BTC: variants seen among roughly 807,000 people sequenced by gnomAD.
BTC encodes the protein betacellulin, also known as probetacellulin.
A neutral mutation model predicts 18.1 loss-of-function variants in BTC; 13 were observed. That is an observed-to-expected ratio of 0.72 (90% CI 0.47 to 1.14). The LOEUF (loss-of-function observed/expected upper bound fraction) is 1.14. BTC is among the 50% of genes most tolerant of loss of function. The pLI, the probability that BTC is intolerant of heterozygous loss-of-function variation, is 0.00. For synonymous variants in BTC, 83 were observed against 79.4 expected, an observed-to-expected ratio of 1.05 and a Z score of -0.24; for missense variants, 247 against 224.2, an observed-to-expected ratio of 1.10 and a Z score of -0.65.
At chr4:74,750,871 G>T in intron 3 of BTC, 152 bp from the exon 4 acceptor site, 1 of 1,061,852 alleles carries the variant, frequency 9.4e-7, no homozygotes. Flanking sequence ...TTGTTGACCA[G>T]TAATTTCAAT....
At chr4:74,748,017 A>G (rs782462544) in intron 5 of BTC, 23 bp downstream of exon 5, 25 of 1,402,504 alleles carry the variant, frequency 1.8e-5, no homozygotes, top group Non-Finnish European at 4.0e-6. Context: ...ATAGTTTTCT[A>G]TCAGCAAGTT....
rs1724589720 is a variant in BTC, at chr4:74,756,062, T to G, written c.164-86A>C. ...ATCATATTCTTATCTTGCTGCCAGT[T>G]TCTCTGTAGAATATGTTTGAATCTC... On this transcript the variant is annotated intron_variant, in intron 2 of 5. Transcript: ENST00000395743. 11 of 1,202,400 alleles carry G rather than the reference T, an allele frequency of 9.1e-6. No homozygotes were observed. In the East Asian group the frequency reaches 2.6e-4, roughly 28 times the overall value. 74.5% of individuals were successfully genotyped at this position (1,202,400 alleles called of 1,614,324 possible). A position where few individuals can be genotyped will look rare whatever the true frequency, so the allele number is the denominator to read the frequency against.
chr4:74,780,970 A>G (rs1222170795), intron 1 of BTC, among the ~76,000 whole-genome samples: 1 of 150,416 alleles, frequency 6.6e-6, no homozygotes, highest in Non-Finnish European at 1.5e-5. Context: ...AGAGTTTCGT[A>G]TTTTGAAATT....
intron 4 of BTC, 111 bp from the exon 5 acceptor site, chr4:74,748,260 G>C (rs1168719848): frequency 1.5e-6 from 1 of 648,356 alleles, no homozygotes; most frequent in East Asian, 3.1e-5. Flanking sequence ...AAATATTTAG[G>C]GTTCTAGGCC....
chr4:74,753,012 C>T (rs1244749761), intron 3 of BTC, among the ~76,000 whole-genome samples: 8 of 152,126 alleles, frequency 5.3e-5, no homozygotes, highest in African/African-American at 1.9e-4. Context: ...TATAGTGGTT[C>T]TCATGTTATT....
intron 3 of BTC, among the ~76,000 whole-genome samples, chr4:74,754,938 A>AACACACACACACAC (rs33972204): frequency 2.1e-4 from 31 of 150,022 alleles, no homozygotes; most frequent in African/African-American, 4.9e-4. Flanking sequence ...TATCCCTCTC[A>AACACACACACACAC]ACACACACAC....
chr4:74,782,330 C>T (rs1295816920), intron 1 of BTC, among the ~76,000 whole-genome samples: 1 of 152,156 alleles, frequency 6.6e-6, no homozygotes, highest in East Asian at 1.9e-4. Context: ...CATTCAGCTC[C>T]CGCTTATAAG....
chr4:74,775,965 A>T (rs536217883), intron 1 of BTC, among the ~76,000 whole-genome samples: 148 of 152,250 alleles, frequency 9.7e-4, no homozygotes, highest in African/African-American at 3.5e-3. Context: ...GTGCCATCCC[A>T]CAGGGTCTGG....
chr4:74,782,645 T>C (rs957545611), intron 1 of BTC, among the ~76,000 whole-genome samples: 2 of 152,200 alleles, frequency 1.3e-5, no homozygotes, highest in African/African-American at 2.4e-5. Flanking sequence ...TAAATGGTAG[T>C]TCTGCCTCTA....
chr4:74,794,184 C>T, intron 1 of BTC, 78 bp downstream of exon 1: 1 of 1,524,700 alleles, frequency 6.6e-7, no homozygotes, highest in Middle Eastern at 2.1e-4. Flanking sequence ...GATGCCAGCT[C>T]GGTTCAGGGT....
At chr4:74,771,361 T>G (rs915381841) in intron 1 of BTC, among the ~76,000 whole-genome samples, 1 of 152,224 alleles carries the variant, frequency 6.6e-6, no homozygotes, top group East Asian at 1.9e-4. Context: ...TGTCCACCAG[T>G]TGTATTGAAA....
chr4:74,769,224 T>C (rs1041477819), intron 2 of BTC, among the ~76,000 whole-genome samples: 2 of 152,092 alleles, frequency 1.3e-5, no homozygotes, highest in Non-Finnish European at 2.9e-5. Context: ...TTGGTCTGTG[T>C]TTTGTTTTCT....
At chr4:74,782,131 G>A (rs554674296) in intron 1 of BTC, among the ~76,000 whole-genome samples, 1 of 151,868 alleles carries the variant, frequency 6.6e-6, no homozygotes, top group African/African-American at 2.4e-5. Context: ...TTTAAGTTCA[G>A]GGGTACATGT....
At position 74,745,588 on chromosome 4, in the gene BTC, AGTAATAGAT is replaced by A. The variant is rs1487221072; in HGVS notation, c.*1080_*1088del. 2 of 152,196 alleles carry A rather than the reference AGTAATAGAT, an allele frequency of 1.3e-5. No homozygotes were observed. Among genetic ancestry groups the A allele is most frequent in the Non-Finnish European group, 2.9e-5 (2 of 68,030 alleles). The allele number at this position is 152,196 out of a possible 1,614,324, so 9.4% of individuals were successfully genotyped here. A position where few individuals can be genotyped will look rare whatever the true frequency, so the allele number is the denominator to read the frequency against. ...AGGAGCACTTGGCAAGATGGTCCCA[AGTAATAGAT>A]GTTATGGTCATGAATTTACTGCATC... On this transcript the variant is annotated 3_prime_UTR_variant, in exon 6 of 6. Transcript: ENST00000395743.
At chr4:74,789,348 CT>C (rs1725562361) in intron 1 of BTC, among the ~76,000 whole-genome samples, 1 of 152,174 alleles carries the variant, frequency 6.6e-6, no homozygotes, top group Non-Finnish European at 1.5e-5. Context: ...AACACTGATT[CT>C]AGTTCTTTTT....
chr4:74,786,522 GT>G (rs1391458514), intron 1 of BTC, among the ~76,000 whole-genome samples: 1 of 152,146 alleles, frequency 6.6e-6, no homozygotes, highest in African/African-American at 2.4e-5. Flanking sequence ...GCCGCCAAAA[GT>G]TTGTTTTTCT....
chr4:74,781,074 C>T lies in BTC; in HGVS notation c.65-10918G>A, dbSNP rs143173886. Among the ~76,000 whole-genome samples, 5 of 152,132 alleles carry T rather than the reference C, an allele frequency of 3.3e-5. No individual in the cohort carries two copies. In the East Asian group the frequency reaches 7.7e-4, roughly 24 times the overall value. ...AAACTTGATGGTCATGGCCCACTCC[C>T]TACCCAGCTTAGGAATCACCTTTAC... is the stretch of plus-strand genomic sequence containing the variant. On this transcript the variant is annotated intron_variant, in intron 1 of 5. Transcript: ENST00000395743.
chr4:74,761,673 A>T (rs1384292610), intron 2 of BTC, among the ~76,000 whole-genome samples: 1 of 152,182 alleles, frequency 6.6e-6, no homozygotes, highest in African/African-American at 2.4e-5. Flanking sequence ...CTTACACTAC[A>T]TCCAATGCAT....
In BTC at chr4:74,794,476, A is replaced by G; in HGVS notation, c.-151T>C. ...TACTTCCCAGGCTGGCACCCTGGCT[A>G]CAAGGCAGGGAAACACCCAGGGCGG... On this transcript the variant is annotated 5_prime_UTR_variant, in exon 1 of 6. Transcript: ENST00000395743. The G allele has an allele frequency of 1.1e-6, 1 of 899,738 alleles. No homozygotes were observed. The highest frequency in any genetic ancestry group is 1.6e-6 in the Non-Finnish European group (1 of 618,536). 55.7% of individuals were successfully genotyped at this position (899,738 alleles called of 1,614,324 possible). A position where few individuals can be genotyped will look rare whatever the true frequency, so the allele number is the denominator to read the frequency against.
Sources: gnomAD v4.1 joint callset for allele counts (sites outside exome capture counted in the v4.1 genomes callset) on GRCh38, gnomAD v4.1.1 for gene constraint, MANE v1.5 for transcripts, NCBI Gene and HGNC (gene_info 2026-07-23, HGNC 2026-07-21) for gene names.